TAS2R1: variants seen among roughly 807,000 people sequenced by gnomAD.
TAS2R1 encodes taste receptor type 2 member 1.
For missense variants in TAS2R1, 370 were observed against 353.4 expected (o/e 1.05, Z -0.38); for synonymous variants, 141 against 134.2 (o/e 1.05, Z -0.35).
At chr5:9,732,648 T>C in the TAS2R1 span, among the ~76,000 whole-genome samples, 2 of 152,002 alleles carry the variant, frequency 1.3e-5, no homozygotes, top group African/African-American at 2.4e-5. Flanking sequence ...GATGGATGAA[T>C]AAACAAACAA....
the TAS2R1 span, among the ~76,000 whole-genome samples, chr5:9,742,881 T>C: frequency 1.3e-4 from 20 of 152,078 alleles, no homozygotes; most frequent in Admixed American, 5.9e-4. Flanking sequence ...ACAATGCATG[T>C]CTAAATTAAA....
chr5:9,686,163 C>T (rs1741120799), intron 1 of TAS2R1, among the ~76,000 whole-genome samples: 1 of 152,174 alleles, frequency 6.6e-6, no homozygotes, highest in Non-Finnish European at 1.5e-5. Context: ...CCGCGCCTGA[C>T]CTTGATTGCA....
chr5:9,727,210 G>A, the TAS2R1 span, among the ~76,000 whole-genome samples: 1 of 152,156 alleles, frequency 6.6e-6, no homozygotes. Context: ...TCCTTGAATT[G>A]TTAGGCCTCA....
At chr5:9,886,437 C>A in the TAS2R1 span, among the ~76,000 whole-genome samples, 1 of 148,556 alleles carries the variant, frequency 6.7e-6, no homozygotes, top group East Asian at 2.0e-4. Context: ...GGGGTCCAAG[C>A]AATCCTGCCT....
chr5:9,880,301 C>T, the TAS2R1 span, among the ~76,000 whole-genome samples: 4 of 152,142 alleles, frequency 2.6e-5, no homozygotes, highest in Admixed American at 2.0e-4. Flanking sequence ...GGGGAAGACA[C>T]CTGCTTCCTA....
chr5:9,886,033 CT>C, the TAS2R1 span, among the ~76,000 whole-genome samples: 1,060 of 140,094 alleles, frequency 7.6e-3, 3 homozygotes, highest in African/African-American at 0.019. Context: ...TTATATAATT[CT>C]TTTTTTTTTT....
chr5:9,850,128 A>G, the TAS2R1 span, among the ~76,000 whole-genome samples: 1 of 152,084 alleles, frequency 6.6e-6, no homozygotes, highest in Admixed American at 6.6e-5. Flanking sequence ...AGCGCAGCCC[A>G]AACACCTATC....
the TAS2R1 span, among the ~76,000 whole-genome samples, chr5:9,800,216 A>G: frequency 6.6e-6 from 1 of 152,262 alleles, no homozygotes; most frequent in Non-Finnish European, 1.5e-5. Flanking sequence ...TGTTCCAAAC[A>G]GCCCCTAACG....
the TAS2R1 span, among the ~76,000 whole-genome samples, chr5:9,750,308 G>A: frequency 6.6e-6 from 1 of 152,064 alleles, no homozygotes; most frequent in African/African-American, 2.4e-5. Context: ...CCTCCCCAGA[G>A]TACACCACCA....
chr5:9,721,947 T>C, the TAS2R1 span, among the ~76,000 whole-genome samples: 1 of 152,212 alleles, frequency 6.6e-6, no homozygotes, highest in Non-Finnish European at 1.5e-5. Flanking sequence ...GCTTCTAACA[T>C]AGTTCCCAAG....
At chr5:9,819,029 C>A in the TAS2R1 span, among the ~76,000 whole-genome samples, 6 of 152,222 alleles carry the variant, frequency 3.9e-5, no homozygotes, top group Non-Finnish European at 7.3e-5. Context: ...GAGAAAACAT[C>A]CCAAGTAAAC....
the TAS2R1 span, among the ~76,000 whole-genome samples, chr5:9,846,407 AGTGAGCCCCAGGTCAT>A: frequency 2.0e-5 from 3 of 152,216 alleles, no homozygotes; most frequent in Non-Finnish European, 4.4e-5. Flanking sequence ...CAATGTGTCC[AGTGAGCCCCAGGTCAT>A]GTTGTCTGTG....
the TAS2R1 span, among the ~76,000 whole-genome samples, chr5:9,788,630 AG>A: frequency 6.6e-6 from 1 of 152,218 alleles, no homozygotes; most frequent in African/African-American, 2.4e-5. Context: ...ATAGCCACAA[AG>A]AAACAAGAAA....
the TAS2R1 span, among the ~76,000 whole-genome samples, chr5:9,722,128 G>A: frequency 8.5e-5 from 13 of 152,198 alleles, no homozygotes; most frequent in Non-Finnish European, 1.8e-4. Context: ...TGATGATGAT[G>A]ATGGTCTCTG....
At chr5:9,895,078 C>G in the TAS2R1 span, among the ~76,000 whole-genome samples, 1 of 152,182 alleles carries the variant, frequency 6.6e-6, no homozygotes, top group Admixed American at 6.5e-5. Flanking sequence ...CCCAGTGCAG[C>G]AAGTTCAGCT....
At chr5:9,847,944 C>T in the TAS2R1 span, among the ~76,000 whole-genome samples, 1 of 152,196 alleles carries the variant, frequency 6.6e-6, no homozygotes, top group Non-Finnish European at 1.5e-5. Context: ...GTCAGACACG[C>T]AAATTCCTGG....
intron 1 of TAS2R1, among the ~76,000 whole-genome samples, chr5:9,687,496 C>G (rs1282693865): frequency 2.0e-5 from 3 of 152,120 alleles, no homozygotes; most frequent in Non-Finnish European, 2.9e-5. Context: ...GCAGGCCCCT[C>G]TGACCATTCG....
chr5:9,768,274 G>A, the TAS2R1 span, among the ~76,000 whole-genome samples: 1 of 152,118 alleles, frequency 6.6e-6, no homozygotes, highest in African/African-American at 2.4e-5. Flanking sequence ...CACCTGCCTT[G>A]GGTCCCAGAC....
chr5:9,820,596 C>G, the TAS2R1 span, among the ~76,000 whole-genome samples: 1 of 152,122 alleles, frequency 6.6e-6, no homozygotes, highest in African/African-American at 2.4e-5. Flanking sequence ...CTGCAAAGCA[C>G]AAACACTCAC....
Sources: allele counts gnomAD v4.1 joint callset (sites outside exome capture counted in the v4.1 genomes callset), GRCh38; gene constraint gnomAD v4.1.1; transcripts MANE v1.5; gene names NCBI Gene and HGNC (gene_info 2026-07-23, HGNC 2026-07-21).